The following GALNT13 variants were observed in gnomAD, a reference collection of about 807,000 sequenced individuals.
The protein encoded by GALNT13 is polypeptide N-acetylgalactosaminyltransferase 13, also known as UDP-GalNAc:polypeptide N-acetylgalactosaminyltransferase 13.
A neutral mutation model predicts 64.2 loss-of-function variants in GALNT13; 28 were observed. The ratio of observed to expected loss-of-function variants is 0.44; its 90% CI spans 0.32 to 0.60. GALNT13 has a LOEUF of 0.60. Ranked by LOEUF, GALNT13 falls within the 20% of genes least tolerant of loss-of-function variation. The pLI is 0.05. For missense variants in GALNT13, 577 were observed against 669.8 expected (o/e 0.86, Z 1.53); for synonymous variants, 214 against 224.6 (o/e 0.95, Z 0.42).
the GALNT13 span, among the ~76,000 whole-genome samples, chr2:153,760,263 A>C: frequency 6.6e-6 from 1 of 151,744 alleles, no homozygotes; most frequent in East Asian, 1.9e-4. Flanking sequence ...TTGTTTTTCT[A>C]GTCTCTATTT....
At chr2:153,828,428 C>T in the GALNT13 span, among the ~76,000 whole-genome samples, 3 of 152,190 alleles carry the variant, frequency 2.0e-5, no homozygotes, top group African/African-American at 7.2e-5. Context: ...TCCATGCATC[C>T]ACAGGCTCAA....
the GALNT13 span, among the ~76,000 whole-genome samples, chr2:153,659,962 TA>T: frequency 6.6e-6 from 1 of 152,126 alleles, no homozygotes; most frequent in Non-Finnish European, 1.5e-5. Flanking sequence ...AATCATCTAT[TA>T]AAAATGCTGG....
In GALNT13 at chr2:154,125,756, A is replaced by G. The variant is rs1307209836; in HGVS notation, c.143-14581A>G. ...TTCATCTTCCCTGTTTCCTTTTTGT[A>G]ATGTGAATCACTAAAAGATGACCAG... is the stretch of plus-strand genomic sequence containing the variant. On this transcript the variant is annotated intron_variant, in intron 3 of 12. Coordinates refer to ENST00000392825, the MANE Select transcript of GALNT13 (RefSeq NM_052917.4). 2.6e-5 allele frequency among the ~76,000 whole-genome samples: 4 copies of G among 152,188 alleles called. No individual in the cohort carries two copies. The South Asian group carries it at 6.2e-4, about 24-fold the overall frequency.
chr2:153,729,969 G>A, the GALNT13 span, among the ~76,000 whole-genome samples: 1 of 151,842 alleles, frequency 6.6e-6, no homozygotes, highest in Admixed American at 6.6e-5. Flanking sequence ...AAAATCCCAT[G>A]TTCGTGGAAT....
intron 3 of GALNT13, among the ~76,000 whole-genome samples, chr2:154,005,548 G>T (rs1196423056): frequency 6.6e-6 from 1 of 152,092 alleles, no homozygotes; most frequent in Non-Finnish European, 1.5e-5. Flanking sequence ...AACAACACTG[G>T]AATCTACATT....
At chr2:153,262,030 A>G in the GALNT13 span, among the ~76,000 whole-genome samples, 1 of 152,304 alleles carries the variant, frequency 6.6e-6, no homozygotes, top group South Asian at 2.1e-4. Flanking sequence ...TGGAAACCCC[A>G]GGAGCTTGCT....
intron 6 of GALNT13, among the ~76,000 whole-genome samples, chr2:154,245,544 A>T (rs1338317154): frequency 6.6e-6 from 1 of 152,174 alleles, no homozygotes; most frequent in Non-Finnish European, 1.5e-5. Flanking sequence ...TTTATAAAAA[A>T]TAGACCCTGC....
chr2:153,108,722 A>G, the GALNT13 span, among the ~76,000 whole-genome samples: 11 of 152,128 alleles, frequency 7.2e-5, no homozygotes, highest in South Asian at 4.1e-4. Context: ...AAGTTGTAGT[A>G]TCAAAAGACT....
intron 4 of GALNT13, among the ~76,000 whole-genome samples, chr2:154,173,164 T>C (rs1685457848): frequency 6.6e-6 from 1 of 151,846 alleles, no homozygotes; most frequent in Non-Finnish European, 1.5e-5. Context: ...AAGACCCAGA[T>C]ATAAATCCAC....
chr2:154,031,335 A>G (rs1040629454), intron 3 of GALNT13, among the ~76,000 whole-genome samples: 1 of 152,076 alleles, frequency 6.6e-6, no homozygotes, highest in Non-Finnish European at 1.5e-5. Flanking sequence ...AAAGAGAAGA[A>G]GAGGAAAAAA....
chr2:153,892,784 A>G (rs547261511), intron 1 of GALNT13, among the ~76,000 whole-genome samples: 16 of 151,900 alleles, frequency 1.1e-4, no homozygotes, highest in Non-Finnish European at 2.4e-4. Context: ...AATTCTTTCC[A>G]TTTCTGTCCT....
the GALNT13 span, among the ~76,000 whole-genome samples, chr2:153,082,610 TATATATATACACACACACACACACAC>T: frequency 3.7e-4 from 16 of 43,404 alleles, no homozygotes; most frequent in African/African-American, 1.5e-3. Flanking sequence ...TATATATATA[TATATATATACACACACACACACACAC>T]ACACACACAC....
the GALNT13 span, among the ~76,000 whole-genome samples, chr2:153,521,299 T>C: frequency 6.6e-6 from 1 of 152,094 alleles, no homozygotes; most frequent in East Asian, 1.9e-4. Context: ...TTTTTCCTAA[T>C]GGAAAAGCTT....
At chr2:153,410,320 T>C in the GALNT13 span, among the ~76,000 whole-genome samples, 2 of 152,074 alleles carry the variant, frequency 1.3e-5, no homozygotes, top group Non-Finnish European at 2.9e-5. Context: ...TATCTAGAAC[T>C]CCTGGGCTCA....
chr2:153,174,259 C>G, the GALNT13 span, among the ~76,000 whole-genome samples: 1 of 152,166 alleles, frequency 6.6e-6, no homozygotes, highest in Non-Finnish European at 1.5e-5. Flanking sequence ...TATTTGCATC[C>G]AAATAGTTCG....
intron 4 of GALNT13, among the ~76,000 whole-genome samples, chr2:154,182,386 G>A (rs957385056): frequency 6.6e-6 from 1 of 152,066 alleles, no homozygotes; most frequent in African/African-American, 2.4e-5. Flanking sequence ...AGTTGTCAAT[G>A]TATTCTAAAT....
intron 9 of GALNT13, among the ~76,000 whole-genome samples, chr2:154,365,485 A>G (rs537806930): frequency 1.3e-5 from 2 of 152,346 alleles, no homozygotes; most frequent in East Asian, 1.9e-4. Flanking sequence ...AAAGTTCCAC[A>G]ATTTCATCTG....
chr2:153,840,767 G>C, the GALNT13 span, among the ~76,000 whole-genome samples: 1 of 152,090 alleles, frequency 6.6e-6, no homozygotes, highest in Non-Finnish European at 1.5e-5. Context: ...AGGCAACAGG[G>C]GGACTATATA....
the GALNT13 span, among the ~76,000 whole-genome samples, chr2:153,164,647 G>A: frequency 6.6e-6 from 1 of 151,926 alleles, no homozygotes; most frequent in African/African-American, 2.4e-5. Flanking sequence ...AAATTTTCTT[G>A]TGTTTTTTTT....
Sources: allele counts gnomAD v4.1 joint callset (sites outside exome capture counted in the v4.1 genomes callset), GRCh38; gene constraint gnomAD v4.1.1; transcripts MANE v1.5; gene names NCBI Gene and HGNC (gene_info 2026-07-23, HGNC 2026-07-21).